The following CDH8 variants were observed in gnomAD, a reference collection of about 807,000 sequenced individuals.
CDH8 encodes cadherin-8.
In CDH8, 17 loss-of-function variants were observed where a neutral mutation model predicts 68.1. The ratio of observed to expected loss-of-function variants is 0.25; its 90% CI spans 0.17 to 0.37. The LOEUF (loss-of-function observed/expected upper bound fraction) is 0.37, where lower values mean the gene tolerates loss of function less well. CDH8 is among the 10% of genes least tolerant of loss of function. The probability of loss-of-function intolerance (pLI) is 1.00; values close to 1 mark genes in which losing one functional copy is unlikely to be tolerated. For missense variants in CDH8, 763 were observed against 999.3 expected (o/e 0.76, Z 3.19); for synonymous variants, 372 against 365.1 (o/e 1.02, Z -0.21).
intron 10 of CDH8, among the ~76,000 whole-genome samples, chr16:61,697,668 T>C (rs1054686420): frequency 7.9e-5 from 12 of 152,088 alleles, no homozygotes; most frequent in African/African-American, 2.7e-4. Context: ...ATCTGGCTAA[T>C]TTTTGTATCT....
intron 3 of CDH8, among the ~76,000 whole-genome samples, chr16:61,869,646 T>G (rs1007861837): frequency 1.3e-5 from 2 of 152,316 alleles, no homozygotes; most frequent in Admixed American, 6.5e-5. Flanking sequence ...GCAACATATT[T>G]AGCAATATCA....
intron 2 of CDH8, among the ~76,000 whole-genome samples, chr16:61,968,110 GATCA>G (rs1965284104): frequency 1.3e-5 from 2 of 152,152 alleles, no homozygotes; most frequent in Admixed American, 6.5e-5. Context: ...TGGGCCTAGA[GATCA>G]TTATTTTAAG....
At chr16:61,935,682 A>C (rs1354978439) in intron 2 of CDH8, among the ~76,000 whole-genome samples, 1 of 152,084 alleles carries the variant, frequency 6.6e-6, no homozygotes, top group African/African-American at 2.4e-5. Context: ...TGGAGCATCT[A>C]GTGTATGCCA....
At chr16:61,901,914 G>A (rs1963981977) in intron 2 of CDH8, among the ~76,000 whole-genome samples, 1 of 152,056 alleles carries the variant, frequency 6.6e-6, no homozygotes, top group East Asian at 1.9e-4. Flanking sequence ...TATTTCATAT[G>A]ACACATAAGA....
chr16:62,034,435 T>A (rs12927313), intron 1 of CDH8, among the ~76,000 whole-genome samples: 1 of 151,862 alleles, frequency 6.6e-6, no homozygotes, highest in African/African-American at 2.4e-5. Flanking sequence ...TAATAAAGCC[T>A]GAGGTGACAG....
At chr16:61,957,142 CAA>C (rs948828859) in intron 2 of CDH8, among the ~76,000 whole-genome samples, 1 of 152,072 alleles carries the variant, frequency 6.6e-6, no homozygotes, top group Non-Finnish European at 1.5e-5. Flanking sequence ...ATCAGAGACT[CAA>C]GAGATCAAAG....
intron 2 of CDH8, among the ~76,000 whole-genome samples, 194 bp downstream of exon 2, chr16:62,020,958 C>A (rs543639333): frequency 6.6e-6 from 1 of 152,188 alleles, no homozygotes; most frequent in African/African-American, 2.4e-5. Context: ...GTAGGAGAAG[C>A]TTTCCCTACA....
At chr16:61,791,054 T>C (rs1427671342) in intron 7 of CDH8, among the ~76,000 whole-genome samples, 4 of 152,016 alleles carry the variant, frequency 2.6e-5, no homozygotes, top group Non-Finnish European at 4.4e-5. Flanking sequence ...AATGACTTAA[T>C]TTCTCAATTG....
At chr16:62,003,728 C>T (rs1965930535) in intron 2 of CDH8, among the ~76,000 whole-genome samples, 2 of 152,202 alleles carry the variant, frequency 1.3e-5, no homozygotes, top group East Asian at 3.9e-4. Context: ...TCACCTTGAT[C>T]TTCAAAATAA....
intron 10 of CDH8, among the ~76,000 whole-genome samples, chr16:61,669,144 G>T (rs1963740745): frequency 6.6e-6 from 1 of 151,980 alleles, no homozygotes; most frequent in Non-Finnish European, 1.5e-5. Flanking sequence ...TGAAGATTTT[G>T]CATTCACACA....
intron 10 of CDH8, among the ~76,000 whole-genome samples, chr16:61,663,915 A>C (rs1567409588): frequency 6.6e-6 from 1 of 152,176 alleles, no homozygotes; most frequent in Admixed American, 6.6e-5. Context: ...CAAGGAAGAG[A>C]GAGAGTACAT....
At chr16:61,681,195 A>G (rs941786704) in intron 10 of CDH8, among the ~76,000 whole-genome samples, 1 of 151,914 alleles carries the variant, frequency 6.6e-6, no homozygotes, top group African/African-American at 2.4e-5. Flanking sequence ...AGATAAATGA[A>G]AATATGTCCA....
At chr16:61,811,522 A>G (rs1224802528) in intron 7 of CDH8, among the ~76,000 whole-genome samples, 3 of 152,210 alleles carry the variant, frequency 2.0e-5, no homozygotes, top group Non-Finnish European at 1.5e-5. Flanking sequence ...CAGAATCACT[A>G]TATGATTCTG....
At chr16:61,850,087 G>A (rs761148479) in intron 4 of CDH8, among the ~76,000 whole-genome samples, 1 of 151,970 alleles carries the variant, frequency 6.6e-6, no homozygotes, top group African/African-American at 2.4e-5. Context: ...CCTGAGACTG[G>A]GTAATTTACA....
chr16:61,673,944 C>T (rs1411751333), intron 10 of CDH8, among the ~76,000 whole-genome samples: 2 of 152,038 alleles, frequency 1.3e-5, no homozygotes, highest in Non-Finnish European at 2.9e-5. Context: ...AAGCTACACA[C>T]ATATAGAATG....
At chr16:61,801,881 G>A (rs1961650435) in intron 7 of CDH8, among the ~76,000 whole-genome samples, 1 of 151,472 alleles carries the variant, frequency 6.6e-6, no homozygotes. Flanking sequence ...CGGCAGCGAG[G>A]CTGGGGGAGG....
intron 8 of CDH8, among the ~76,000 whole-genome samples, chr16:61,782,112 C>T (rs143747279): frequency 0.085 from 12,898 of 152,228 alleles, 622 homozygotes; most frequent in African/African-American, 0.11. Flanking sequence ...GGAACAGCTC[C>T]GGTCTACAGC....
At chr16:61,797,067 G>A (rs1961516914) in intron 7 of CDH8, among the ~76,000 whole-genome samples, 1 of 151,870 alleles carries the variant, frequency 6.6e-6, no homozygotes, top group East Asian at 1.9e-4. Flanking sequence ...ACTGATATTT[G>A]GCACAAAAAT....
At position 61,649,346 on chromosome 16, in the gene CDH8, G is replaced by A. The variant is rs931616672; in HGVS notation, c.*4262C>T. ...CACAATTTCAATTTGTTGGCAGTGC[G>A]TGAGATTATGAGATGAAAAATTAAA... On this transcript the variant is annotated 3_prime_UTR_variant, in exon 12 of 12. Transcript: ENST00000577390. 12 of 151,728 alleles carry A rather than the reference G, an allele frequency of 7.9e-5. No individual in the cohort carries two copies. The highest frequency in any genetic ancestry group is 2.1e-4 in the South Asian group (1 of 4,830). 9.4% of individuals were successfully genotyped at this position (151,728 alleles called of 1,614,324 possible).
Sources: gnomAD v4.1 joint callset for allele counts (sites outside exome capture counted in the v4.1 genomes callset) on GRCh38, gnomAD v4.1.1 for gene constraint, MANE v1.5 for transcripts, NCBI Gene and HGNC (gene_info 2026-07-23, HGNC 2026-07-21) for gene names.